The following IRS1 variants were observed in gnomAD, a reference collection of about 807,000 sequenced individuals.
The protein encoded by IRS1 is insulin receptor substrate 1.
IRS1 carries 34 observed loss-of-function variants against 65.6 expected under a neutral mutation model. The observed-to-expected ratio is 0.52, with a 90% CI of 0.39 to 0.69. IRS1 has a LOEUF of 0.69. Ranked by LOEUF, IRS1 falls within the 30% of genes least tolerant of loss-of-function variation. The pLI is 0.00. For synonymous variants in IRS1, 699 were observed against 683.5 expected (o/e 1.02, Z -0.35); for missense variants, 1,641 against 1,720.2 (o/e 0.95, Z 0.81).
intron 1 of IRS1, among the ~76,000 whole-genome samples, chr2:226,737,630 T>C (rs1938353948): frequency 1.3e-5 from 2 of 152,156 alleles, no homozygotes; most frequent in Non-Finnish European, 1.5e-5. Context: ...TGTTCATAAA[T>C]ACATGGCATG....
intron 1 of IRS1, among the ~76,000 whole-genome samples, chr2:226,758,249 C>A (rs939505508): frequency 3.3e-5 from 5 of 152,054 alleles, no homozygotes; most frequent in African/African-American, 4.8e-5. Context: ...ATTATTACTG[C>A]ACAAATAATT....
chr2:226,783,974 A>T (rs532262533), intron 1 of IRS1, among the ~76,000 whole-genome samples: 1 of 152,032 alleles, frequency 6.6e-6, no homozygotes, highest in Non-Finnish European at 1.5e-5. Flanking sequence ...GCACCAACTG[A>T]CAGCCAGCAT....
At chr2:226,786,684 A>G (rs1489207536) in intron 1 of IRS1, among the ~76,000 whole-genome samples, 1 of 151,470 alleles carries the variant, frequency 6.6e-6, no homozygotes, top group African/African-American at 2.4e-5. Flanking sequence ...AAACCAAAAA[A>G]AATTGGAAAC....
chr2:226,794,513 C>T lies in IRS1; in HGVS notation c.*21+476G>A, dbSNP rs1438198331. On this transcript the variant is annotated intron_variant, in intron 1 of 1. Coordinates refer to ENST00000305123, the MANE Select transcript of IRS1 (RefSeq NM_005544.3). The surrounding 1 kb of genome is among the most constrained non-coding windows in gnomAD (Gnocchi z 4.1). ...ATTATGAAATCACAGAACAAAAGTA[C>T]AGAGAACAACTTGATAAGATCACCC... 1.3e-5 allele frequency among the ~76,000 whole-genome samples: 2 copies of T among 152,130 alleles called. No individual in the cohort carries two copies. The highest frequency in any genetic ancestry group is 2.4e-5 in the African/African-American group (1 of 41,422).
intron 1 of IRS1, among the ~76,000 whole-genome samples, chr2:226,751,388 AT>A (rs1938678488): frequency 6.9e-6 from 1 of 144,364 alleles, no homozygotes; most frequent in Admixed American, 7.5e-5. Flanking sequence ...GGTTCCCGGC[AT>A]TCTCCTGCCT....
intron 1 of IRS1, among the ~76,000 whole-genome samples, chr2:226,757,487 G>A (rs1003768029): frequency 2.0e-5 from 3 of 151,862 alleles, no homozygotes; most frequent in Admixed American, 1.3e-4. Flanking sequence ...ATGGTGGGGT[G>A]TGCCTGTAGT....
rs553345686 is a variant in IRS1, at chr2:226,753,360, A to G, written c.*22-17110T>C. 4.7e-4 allele frequency among the ~76,000 whole-genome samples: 71 copies of G among 152,216 alleles called. 3 individuals carry two copies. The highest frequency in any genetic ancestry group is 3.5e-4 in the Non-Finnish European group (24 of 68,040). ...TGCCCTTAACTAAAAGGGCAATTCA[A>G]AAGCACCCTAAAGTTTTATAACCTG... On this transcript the variant is annotated intron_variant, in intron 1 of 1. Coordinates refer to ENST00000305123, the MANE Select transcript of IRS1 (RefSeq NM_005544.3).
rs923109169 is a variant in IRS1 at position 226,737,124 on chromosome 2, G to C, written c.*22-874C>G. On this transcript the variant is annotated intron_variant, in intron 1 of 1. Transcript: ENST00000305123. ...CACCCCACAACAGTCCCCAGAGTGT[G>C]ATGTTCCCCTTCCTGCATCCATGTG... is the stretch of plus-strand genomic sequence containing the variant. 1.1e-4 allele frequency among the ~76,000 whole-genome samples: 14 copies of C among 128,250 alleles called. 1 individual carries two copies. Among genetic ancestry groups the C allele is most frequent in the Non-Finnish European group, 2.2e-4 (14 of 64,468 alleles). The allele number at this position is 128,250 out of a possible 152,430, so 84.1% of individuals were successfully genotyped here.
chr2:226,736,683 C>G (rs1441867328), intron 1 of IRS1, among the ~76,000 whole-genome samples: 1 of 152,170 alleles, frequency 6.6e-6, no homozygotes, highest in African/African-American at 2.4e-5. Context: ...AGTTGCAGAG[C>G]TTCACATGAC....
chr2:226,747,523 G>A (rs552829745), intron 1 of IRS1, among the ~76,000 whole-genome samples: 22 of 152,224 alleles, frequency 1.4e-4, no homozygotes, highest in South Asian at 4.2e-4. Flanking sequence ...GGACTTACCC[G>A]CCTCCAGAAC....
At chr2:226,782,544 C>T (rs749071033) in intron 1 of IRS1, among the ~76,000 whole-genome samples, 56 of 152,178 alleles carry the variant, frequency 3.7e-4, no homozygotes, top group Non-Finnish European at 6.8e-4. Context: ...AAATGCCCAG[C>T]GCCCTGCACC....
At chr2:226,780,637 G>C (rs1056478278) in intron 1 of IRS1, among the ~76,000 whole-genome samples, 43 of 152,090 alleles carry the variant, frequency 2.8e-4, no homozygotes, top group African/African-American at 1.0e-3. Flanking sequence ...CAAAGTTCCT[G>C]TCAATCTTCA....
At chr2:226,750,249 CAAAA>C (rs75785691) in intron 1 of IRS1, among the ~76,000 whole-genome samples, 3 of 59,974 alleles carry the variant, frequency 5.0e-5, no homozygotes, top group African/African-American at 5.1e-5. Flanking sequence ...AACTCTGTCT[CAAAA>C]AAAAAAAAAA....
intron 1 of IRS1, among the ~76,000 whole-genome samples, chr2:226,749,074 A>C (rs956733528): frequency 1.3e-5 from 2 of 152,218 alleles, no homozygotes; most frequent in African/African-American, 4.8e-5. Context: ...GGGAGCCACA[A>C]AATTTCACCT....
chr2:226,792,939 A>T lies in IRS1; in HGVS notation c.*21+2050T>A, dbSNP rs574834330. Reference sequence around the variant, plus strand: ...CCTCACTTTAAACACCAACACAAACATCTCAAATACGCATTGTAGAATTTT... The same window carrying T: ...CCTCACTTTAAACACCAACACAAACTTCTCAAATACGCATTGTAGAATTTT... On this transcript the variant is annotated intron_variant, in intron 1 of 1. Transcript: ENST00000305123. Among the ~76,000 whole-genome samples the T allele has an allele frequency of 6.6e-4, 101 of 152,314 alleles. 3 individuals are homozygous for T. The South Asian group carries it at 0.02, about 30-fold the overall frequency.
In IRS1 at chr2:226,796,822, G is replaced by A. The variant is rs548891459; in HGVS notation, c.1917C>T (p.Ser639=). 2.2e-5 allele frequency: 34 copies of A among 1,560,978 alleles called. No individual in the cohort carries two copies. Among genetic ancestry groups the A allele is most frequent in the African/African-American group, 1.8e-4 (13 of 73,790 alleles). Residue 639 remains serine (S), a synonymous_variant, in exon 1 of 2, where the codon AGC becomes AGT. Coordinates refer to ENST00000305123, the MANE Select transcript of IRS1 (RefSeq NM_005544.3). ...TGATGATCTGCTGTGGGGCAGATAC[G>A]CTCTTGGGGCTCATGGGCATATAGT... ...SGDYMPMSPK[S]VSAPQQIINP...
chr2:226,765,943 C>A (rs6710982), intron 1 of IRS1, among the ~76,000 whole-genome samples: 1 of 150,498 alleles, frequency 6.6e-6, no homozygotes, highest in Non-Finnish European at 1.5e-5. Context: ...TTAATTGAAT[C>A]TACTAGAAAA....
intron 1 of IRS1, among the ~76,000 whole-genome samples, chr2:226,766,149 A>ATTTT (rs1559152030): frequency 5.1e-4 from 2 of 3,942 alleles, no homozygotes; most frequent in Admixed American, 9.7e-3. Context: ...ATATATATAT[A>ATTTT]TATATATATA....
intron 1 of IRS1, among the ~76,000 whole-genome samples, chr2:226,743,910 C>T (rs749020106): frequency 3.3e-5 from 5 of 152,174 alleles, no homozygotes; most frequent in Non-Finnish European, 2.9e-5. Context: ...TCAGGCAGAG[C>T]CTATTTTCAC....
Sources: gnomAD v4.1 joint callset for allele counts (sites outside exome capture counted in the v4.1 genomes callset) on GRCh38, gnomAD v4.1.1 for gene constraint, Gnocchi (gnomAD v3.1) non-coding constraint, MANE v1.5 for transcripts, NCBI Gene and HGNC (gene_info 2026-07-23, HGNC 2026-07-21) for gene names.